ASTN1: variants seen among roughly 807,000 people sequenced by gnomAD.
ASTN1 encodes astrotactin 1, also known as astrotactin-1.
A neutral mutation model predicts 140.7 loss-of-function variants in ASTN1; 41 were observed. The ratio of observed to expected loss-of-function variants is 0.29; its 90% CI spans 0.23 to 0.38. The LOEUF is 0.38. Among genes scored for constraint, ASTN1 ranks in the 10% least tolerant of loss-of-function variants. The pLI, the probability that ASTN1 is intolerant of heterozygous loss-of-function variation, is 1.00. For synonymous variants in ASTN1, 640 were observed against 652.2 expected (o/e 0.98, Z 0.29); for missense variants, 1,479 against 1,678.8 (o/e 0.88, Z 2.08).
chr1:177,137,013 T>C (rs1021204387), intron 1 of ASTN1, among the ~76,000 whole-genome samples: 3 of 152,156 alleles, frequency 2.0e-5, no homozygotes, highest in Non-Finnish European at 4.4e-5. Flanking sequence ...ACTGGATGCC[T>C]GTAGCACCAA....
chr1:177,048,788 G>A (rs192486883), intron 2 of ASTN1, among the ~76,000 whole-genome samples: 41 of 152,274 alleles, frequency 2.7e-4, no homozygotes, highest in African/African-American at 6.0e-4. Flanking sequence ...AGAGAGACTC[G>A]CTGGAGACAC....
intron 14 of ASTN1, among the ~76,000 whole-genome samples, chr1:176,940,821 G>A (rs1267649115): frequency 2.6e-5 from 4 of 152,216 alleles, no homozygotes; most frequent in Non-Finnish European, 5.9e-5. Flanking sequence ...AGAAATAGGT[G>A]TTATGTGTGA....
chr1:176,913,618 A>G (rs921928101), intron 16 of ASTN1, among the ~76,000 whole-genome samples: 6 of 152,266 alleles, frequency 3.9e-5, no homozygotes, highest in Admixed American at 6.5e-5. Flanking sequence ...ATTTTATTCT[A>G]AGCGATTATT....
intron 1 of ASTN1, among the ~76,000 whole-genome samples, chr1:177,116,638 G>C (rs1193077838): frequency 6.6e-6 from 1 of 152,096 alleles, no homozygotes; most frequent in Non-Finnish European, 1.5e-5. Flanking sequence ...TTCCTGTAAT[G>C]CCTTCTGCCT....
intron 8 of ASTN1, among the ~76,000 whole-genome samples, chr1:176,979,276 T>G (rs1261963328): frequency 1.3e-5 from 2 of 152,116 alleles, no homozygotes; most frequent in Non-Finnish European, 2.9e-5. Context: ...GTTATGATGA[T>G]GTAGCAATGG....
chr1:176,930,701 C>G (rs1192340395), intron 16 of ASTN1, among the ~76,000 whole-genome samples: 1 of 152,088 alleles, frequency 6.6e-6, no homozygotes, highest in Non-Finnish European at 1.5e-5. Flanking sequence ...AATTAAGAAG[C>G]TGTAGGGTAG....
intron 9 of ASTN1, among the ~76,000 whole-genome samples, chr1:176,963,788 G>T (rs1158745412): frequency 6.6e-6 from 1 of 152,136 alleles, no homozygotes; most frequent in African/African-American, 2.4e-5. Context: ...TTGAAGTCCT[G>T]GAAGACCAGC....
At chr1:176,917,028 G>GT (rs1670516992) in intron 16 of ASTN1, among the ~76,000 whole-genome samples, 1 of 151,960 alleles carries the variant, frequency 6.6e-6, no homozygotes, top group Non-Finnish European at 1.5e-5. Flanking sequence ...TTTTCCCAGA[G>GT]TCAGCCTGAG....
intron 21 of ASTN1, among the ~76,000 whole-genome samples, chr1:176,875,953 T>G (rs556042461): frequency 1.3e-5 from 2 of 152,272 alleles, no homozygotes; most frequent in Non-Finnish European, 2.9e-5. Flanking sequence ...CTTTGTGCAA[T>G]GGATGTTGAC....
intron 22 of ASTN1, among the ~76,000 whole-genome samples, chr1:176,864,975 T>C (rs1668083126): frequency 6.6e-6 from 1 of 152,156 alleles, no homozygotes; most frequent in Admixed American, 6.5e-5. Flanking sequence ...AAAAGGATAT[T>C]AGATGTGACC....
chr1:177,012,173 G>A (rs1399378115), intron 8 of ASTN1, among the ~76,000 whole-genome samples: 2 of 151,898 alleles, frequency 1.3e-5, no homozygotes, highest in African/African-American at 4.9e-5. Context: ...CAATCTGTCA[G>A]ACAGTTTTCA....
chr1:176,985,035 G>A (rs1673819710), intron 8 of ASTN1, among the ~76,000 whole-genome samples: 1 of 152,192 alleles, frequency 6.6e-6, no homozygotes, highest in Non-Finnish European at 1.5e-5. Context: ...GCAGTGGTGG[G>A]AAAGCAACTT....
chr1:177,017,458 C>A (rs941311760), intron 7 of ASTN1, among the ~76,000 whole-genome samples: 7 of 152,262 alleles, frequency 4.6e-5, no homozygotes, highest in African/African-American at 1.7e-4. Context: ...GTTGCTATGG[C>A]AACCAACTGC....
rs78004799 is a variant in ASTN1, at chr1:177,145,631, G to A, written c.283+18763C>T. On this transcript the variant is annotated intron_variant, in intron 1 of 22. Transcript: ENST00000361833. ...TTCAGGAACAAAAACAGACCTGGGG[G>A]CAGAAAGAGGAGACCAGGAACTCTT... Among the ~76,000 whole-genome samples the A allele has an allele frequency of 5.8e-3, 878 of 152,276 alleles. 8 individuals carry two copies. Among genetic ancestry groups the A allele is most frequent in the African/African-American group, 0.02 (842 of 41,546 alleles).
At chr1:177,075,433 A>G (rs1678845970) in intron 1 of ASTN1, among the ~76,000 whole-genome samples, 1 of 151,932 alleles carries the variant, frequency 6.6e-6, no homozygotes. Context: ...CAAAAAAAAA[A>G]AAAAAAATAC....
At chr1:176,903,277 TTC>T (rs138995649) in intron 16 of ASTN1, among the ~76,000 whole-genome samples, 1 of 150,286 alleles carries the variant, frequency 6.7e-6, no homozygotes, top group African/African-American at 2.4e-5. Flanking sequence ...AAGTGTTTCC[TTC>T]TCTCTCTCTC....
intron 7 of ASTN1, among the ~76,000 whole-genome samples, chr1:177,021,873 C>T (rs367566531): frequency 6.6e-6 from 1 of 152,206 alleles, no homozygotes; most frequent in Non-Finnish European, 1.5e-5. Flanking sequence ...AGAGCCCCCA[C>T]CTCTGAGATT....
intron 5 of ASTN1, chr1:177,029,248 T>C (rs1676295299): frequency 2.2e-6 from 1 of 458,856 alleles, no homozygotes; most frequent in African/African-American, 2.0e-5. Flanking sequence ...CCAAGGCCAA[T>C]GTGGTAGAGG....
chr1:177,068,826 T>TC, intron 1 of ASTN1, among the ~76,000 whole-genome samples: 1 of 150,460 alleles, frequency 6.6e-6, no homozygotes, highest in East Asian at 1.9e-4. Flanking sequence ...CTTTTCTTTT[T>TC]TTTTTTTTTT....
Sources: gnomAD v4.1 joint callset for allele counts (sites outside exome capture counted in the v4.1 genomes callset) on GRCh38, gnomAD v4.1.1 for gene constraint, MANE v1.5 for transcripts, NCBI Gene and HGNC (gene_info 2026-07-23, HGNC 2026-07-21) for gene names.